Variants in DIAPH1 observed in about 807,000 individuals in gnomAD.
DIAPH1 encodes diaphanous related formin 1.
A neutral mutation model predicts 140.7 loss-of-function variants in DIAPH1; 46 were observed. The ratio of observed to expected loss-of-function variants is 0.33; its 90% confidence interval spans 0.26 to 0.42. The LOEUF (loss-of-function observed/expected upper bound fraction) is 0.42. DIAPH1 is among the 10% of genes least tolerant of loss of function. The pLI is 1.00. For missense variants in DIAPH1, 1,310 were observed against 1,558.7 expected, an observed-to-expected ratio of 0.84 and a Z score of 2.69; for synonymous variants, 565 against 551.6, an observed-to-expected ratio of 1.02 and a Z score of -0.34.
intron 18 of DIAPH1, among the ~76,000 whole-genome samples, chr5:141,569,084 C>T (rs1165356830): frequency 6.6e-6 from 1 of 151,884 alleles, no homozygotes. Flanking sequence ...AGGACATTTG[C>T]GTCTGAATGA....
intron 1 of DIAPH1, among the ~76,000 whole-genome samples, chr5:141,609,181 A>ACC (rs1380798381): frequency 2.0e-5 from 3 of 151,952 alleles, no homozygotes; most frequent in African/African-American, 7.3e-5. Context: ...AAAAAAAAAA[A>ACC]AAAAAACAGG....
chr5:141,593,891 C>T (rs1391440077), intron 1 of DIAPH1, among the ~76,000 whole-genome samples: 1 of 152,162 alleles, frequency 6.6e-6, no homozygotes, highest in Non-Finnish European at 1.5e-5. Flanking sequence ...ATGATCTCAG[C>T]TCACTGCAAC....
chr5:141,524,268 C>A (rs1562280340), intron 26 of DIAPH1, 39 bp from the exon 27 acceptor site: 1 of 1,578,948 alleles, frequency 6.3e-7, no homozygotes, highest in African/African-American at 1.3e-5. Context: ...AACTCTTCAG[C>A]CAGAGCAGCA....
chr5:141,582,192 C>T, intron 7 of DIAPH1, 120 bp downstream of exon 7: 1 of 634,034 alleles, frequency 1.6e-6, no homozygotes, highest in Non-Finnish European at 2.9e-6. Context: ...AGTTATGATA[C>T]TAAAAGAGAA....
chr5:141,524,275 AG>A (rs764489915), intron 26 of DIAPH1, 46 bp from the exon 27 acceptor site: 2 of 1,558,396 alleles, frequency 1.3e-6, no homozygotes, highest in Non-Finnish European at 1.8e-6. Context: ...CAGCCAGAGC[AG>A]CATGGCAAAT....
chr5:141,591,779 T>C (rs2099898518), intron 1 of DIAPH1, among the ~76,000 whole-genome samples: 1 of 141,870 alleles, frequency 7.0e-6, no homozygotes, highest in Non-Finnish European at 1.5e-5. Context: ...CAGAAACAGA[T>C]TTTATCTTAA....
intron 1 of DIAPH1, among the ~76,000 whole-genome samples, chr5:141,613,432 A>G (rs1463263005): frequency 6.6e-6 from 1 of 152,192 alleles, no homozygotes; most frequent in Non-Finnish European, 1.5e-5. Context: ...TAGTAAAGAA[A>G]ATGTAGAATC....
At chr5:141,522,146 T>A (rs951521104) in intron 27 of DIAPH1, among the ~76,000 whole-genome samples, 1 of 152,194 alleles carries the variant, frequency 6.6e-6, no homozygotes, top group South Asian at 2.1e-4. Context: ...CCAGAATAAC[T>A]ACAAATGTCT....
chr5:141,574,877 C>T, intron 15 of DIAPH1, 90 bp downstream of exon 15: 1 of 1,418,290 alleles, frequency 7.1e-7, no homozygotes, highest in Non-Finnish European at 1.0e-6. Context: ...GTAGCTGAAC[C>T]CTCCCTAGGA....
At chr5:141,518,836 A>C in intron 27 of DIAPH1, 2 of 1,104,780 alleles carry the variant, frequency 1.8e-6, no homozygotes, top group Non-Finnish European at 2.7e-6. Context: ...CCCAAGTCTT[A>C]ACCAGGTCTT....
At chr5:141,547,236 C>T (rs551263342) in intron 18 of DIAPH1, among the ~76,000 whole-genome samples, 7 of 152,282 alleles carry the variant, frequency 4.6e-5, no homozygotes, top group South Asian at 2.1e-4. Flanking sequence ...GAGGCCAAGG[C>T]GGGCGGATCA....
intron 24 of DIAPH1, 146 bp downstream of exon 24, chr5:141,527,426 CA>C (rs1192153286): frequency 1.6e-5 from 14 of 890,968 alleles, no homozygotes; most frequent in Non-Finnish European, 2.3e-5. Context: ...AAAATACTAA[CA>C]AACCCAAAAA....
rs748576509 is a variant in DIAPH1, at chr5:141,575,178, G to T, written c.1462-32C>A. On this transcript the variant is annotated intron_variant, in intron 14 of 27. Transcript: ENST00000389054. ...AAAAAACGAATCAGGCTCCCAGCAAGCTCTCCATCTCAGTAAGAAGCACAA... is the reference window on the plus strand; with the variant it reads ...AAAAAACGAATCAGGCTCCCAGCAATCTCTCCATCTCAGTAAGAAGCACAA... The T allele has an allele frequency of 1.2e-5, 20 of 1,610,332 alleles. No homozygotes were observed. In the East Asian group the frequency reaches 4.5e-4, roughly 36 times the overall value.
chr5:141,530,821 C>T (rs984347455), intron 19 of DIAPH1, among the ~76,000 whole-genome samples: 1 of 152,104 alleles, frequency 6.6e-6, no homozygotes, highest in Non-Finnish European at 1.5e-5. Context: ...AAAACTATAC[C>T]AACATTTTCG....
rs571997922 is a variant in DIAPH1 at position 141,583,192 on chromosome 5, T to C, written c.620+14A>G. 5 of 1,612,446 alleles carry C rather than the reference T, an allele frequency of 3.1e-6. No homozygotes were observed. Among genetic ancestry groups the C allele is most frequent in the Non-Finnish European group, 4.2e-6 (5 of 1,178,594 alleles). ...CTCTCCAACTTGAAGTTGCAAAGAC[T>C]TGGAAGTCCTCACCCAGCAGTCTCT... On this transcript the variant is annotated intron_variant, in intron 6 of 27. Transcript: ENST00000389054.
At chr5:141,618,251 C>T (rs1447256888) in intron 1 of DIAPH1, among the ~76,000 whole-genome samples, 1 of 152,148 alleles carries the variant, frequency 6.6e-6, no homozygotes, top group Admixed American at 6.5e-5. Flanking sequence ...GGGCTCAAGT[C>T]AGGTAACATT....
At chr5:141,607,795 C>A (rs1277376967) in intron 1 of DIAPH1, among the ~76,000 whole-genome samples, 1 of 152,206 alleles carries the variant, frequency 6.6e-6, no homozygotes, top group Non-Finnish European at 1.5e-5. Context: ...CTTTCCCTCT[C>A]TACTCTGCCA....
In DIAPH1 at chr5:141,583,307, G is replaced by A. The variant is rs902855323; in HGVS notation, c.534-15C>T. 4 of 1,613,146 alleles carry A rather than the reference G, an allele frequency of 2.5e-6. No individual in the cohort carries two copies. In the African/African-American group the frequency reaches 4.0e-5, roughly 16 times the overall value. ...TTTGCACCCAACTGTAAGGAACAGA[G>A]AGAGGCAATGCAATATCAAACCAAT... On this transcript the variant is annotated splice_polypyrimidine_tract_variant and intron_variant, in intron 5 of 27. Coordinates refer to ENST00000389054, the MANE Select transcript of DIAPH1 (RefSeq NM_005219.5).
chr5:141,524,854 T>G (rs927379306), intron 26 of DIAPH1: 1 of 156,760 alleles, frequency 6.4e-6, no homozygotes, highest in African/African-American at 2.4e-5. Flanking sequence ...AAAAAGTCCA[T>G]AGGCTGCCAG....
Sources: allele counts gnomAD v4.1 joint callset (sites outside exome capture counted in the v4.1 genomes callset), GRCh38; gene constraint gnomAD v4.1.1; transcripts MANE v1.5; gene names NCBI Gene and HGNC (gene_info 2026-07-23, HGNC 2026-07-21).